The following CCDC13 variants were observed in gnomAD, a reference collection of about 807,000 sequenced individuals.
The protein encoded by CCDC13 is coiled-coil domain containing 13.
CCDC13 carries 70 observed loss-of-function variants against 87.3 expected under a neutral mutation model. The observed-to-expected ratio is 0.80, with a 90% CI of 0.66 to 0.98. CCDC13 has a LOEUF of 0.98. CCDC13 is among the 50% of genes least tolerant of loss of function. The pLI, the probability that CCDC13 is intolerant of heterozygous loss-of-function variation, is 0.00. For missense variants in CCDC13, 842 were observed against 892.0 expected, an observed-to-expected ratio of 0.94 and a Z score of 0.71; for synonymous variants, 317 against 360.3, an observed-to-expected ratio of 0.88 and a Z score of 1.36.
At chr3:42,733,953 T>A (rs1429438517) in intron 10 of CCDC13, among the ~76,000 whole-genome samples, 1 of 152,132 alleles carries the variant, frequency 6.6e-6, no homozygotes, top group Non-Finnish European at 1.5e-5. Flanking sequence ...CCCACCCACA[T>A]GTGGTTGAAC....
At chr3:42,742,610 C>G (rs1699255064) in intron 8 of CCDC13, among the ~76,000 whole-genome samples, 1 of 152,150 alleles carries the variant, frequency 6.6e-6, no homozygotes, top group Non-Finnish European at 1.5e-5. Flanking sequence ...CATGACCCTC[C>G]CCCTCTCCCT....
intron 13 of CCDC13, 47 bp downstream of exon 13, chr3:42,730,420 C>T: frequency 3.1e-6 from 5 of 1,594,870 alleles, no homozygotes; most frequent in Middle Eastern, 1.7e-4. Context: ...CCCCAGTCCC[C>T]ACCACATGCA....
intron 1 of CCDC13, among the ~76,000 whole-genome samples, chr3:42,772,775 G>A (rs1700162986): frequency 6.6e-6 from 1 of 152,128 alleles, no homozygotes; most frequent in South Asian, 2.1e-4. Context: ...AGGGGAACTG[G>A]GAGATGCGGA....
intron 9 of CCDC13, among the ~76,000 whole-genome samples, chr3:42,737,983 C>T (rs568440159): frequency 6.6e-6 from 1 of 152,326 alleles, no homozygotes; most frequent in South Asian, 2.1e-4. Flanking sequence ...GAAGTCCTTG[C>T]CCATGCCTAT....
intron 1 of CCDC13, among the ~76,000 whole-genome samples, chr3:42,769,247 A>C (rs956277392): frequency 2.6e-5 from 4 of 152,250 alleles, no homozygotes; most frequent in African/African-American, 9.6e-5. Flanking sequence ...CATCATATGT[A>C]ATCAGGAAAT....
intron 1 of CCDC13, among the ~76,000 whole-genome samples, chr3:42,763,124 C>T (rs954374880): frequency 6.6e-5 from 10 of 152,172 alleles, no homozygotes; most frequent in Non-Finnish European, 1.2e-4. Context: ...ACAGAAAGCA[C>T]AAGTGAGGTA....
chr3:42,713,027 G>A (rs1055676683), intron 14 of CCDC13, 135 bp downstream of exon 14: 16 of 1,004,208 alleles, frequency 1.6e-5, no homozygotes, highest in African/African-American at 3.3e-5. Context: ...GTGGAGGCAG[G>A]CAGAGCTCCA....
intron 7 of CCDC13, among the ~76,000 whole-genome samples, chr3:42,744,003 G>A (rs188718845): frequency 1.3e-4 from 20 of 152,262 alleles, no homozygotes; most frequent in Admixed American, 1.2e-3. Flanking sequence ...ACTGTTATGA[G>A]GATTCAGTAT....
At chr3:42,733,012 A>C in intron 11 of CCDC13, 42 bp from the exon 12 acceptor site, 2 of 1,507,388 alleles carry the variant, frequency 1.3e-6, no homozygotes, top group Non-Finnish European at 1.8e-6. Flanking sequence ...GGGAAGGCAG[A>C]CCAGGCCCTA....
At chr3:42,726,134 T>A (rs1186159170) in intron 13 of CCDC13, among the ~76,000 whole-genome samples, 1 of 152,146 alleles carries the variant, frequency 6.6e-6, no homozygotes, top group African/African-American at 2.4e-5. Flanking sequence ...AACCTCCGCC[T>A]CCCAGGTTCA....
At chr3:42,709,506 C>T (rs542246157) in intron 15 of CCDC13, among the ~76,000 whole-genome samples, 178 bp downstream of exon 15, 90 of 152,228 alleles carry the variant, frequency 5.9e-4, no homozygotes, top group Non-Finnish European at 1.1e-3. Context: ...TTGGGCCGGG[C>T]CCTCTGTCCT....
At chr3:42,753,887 G>C (rs1011748629) in intron 3 of CCDC13, among the ~76,000 whole-genome samples, 1 of 152,226 alleles carries the variant, frequency 6.6e-6, no homozygotes, top group South Asian at 2.1e-4. Context: ...GAAGGAGGCT[G>C]TGGAAGGTGG....
rs757379466 is a variant in CCDC13 at position 42,732,973 on chromosome 3, G to A, written c.1512-3C>T. ...TGTGGCCCAGGCTGGTCACAGAGCT[G>A]TGTAAAGGCGGAAGGGGCCCATCAG... On this transcript the variant is annotated splice_polypyrimidine_tract_variant and splice_region_variant and intron_variant, in intron 11 of 15. Coordinates refer to ENST00000310232, the MANE Select transcript of CCDC13 (RefSeq NM_144719.4). 6.4e-7 allele frequency: 1 copy of A among 1,551,790 alleles called. No individual in the cohort carries two copies. The highest frequency in any genetic ancestry group is 8.7e-7 in the Non-Finnish European group (1 of 1,147,048).
At chr3:42,762,341 G>A (rs1406499750) in intron 1 of CCDC13, among the ~76,000 whole-genome samples, 3 of 152,242 alleles carry the variant, frequency 2.0e-5, no homozygotes, top group African/African-American at 4.8e-5. Context: ...CCTTTGACCC[G>A]CTCCTAAGAG....
At chr3:42,710,630 C>T (rs1446072784) in intron 14 of CCDC13, among the ~76,000 whole-genome samples, 1 of 152,178 alleles carries the variant, frequency 6.6e-6, no homozygotes, top group Non-Finnish European at 1.5e-5. Flanking sequence ...GTCAGGAGTT[C>T]AAGACCAGTC....
At chr3:42,772,997 G>A (rs997701966) in intron 1 of CCDC13, among the ~76,000 whole-genome samples, 179 bp downstream of exon 1, 1 of 152,360 alleles carries the variant, frequency 6.6e-6, no homozygotes, top group Admixed American at 6.5e-5. Context: ...AGAGGGCTGT[G>A]TGTGAAGATT....
At chr3:42,711,955 A>G (rs1298993670) in intron 14 of CCDC13, among the ~76,000 whole-genome samples, 4 of 152,096 alleles carry the variant, frequency 2.6e-5, no homozygotes, top group Non-Finnish European at 4.4e-5. Context: ...CCCAGCCTGG[A>G]GAAGCCACAC....
At chr3:42,730,367 C>T (rs778367601) in intron 13 of CCDC13, 100 bp downstream of exon 13, 231 of 1,497,960 alleles carry the variant, frequency 1.5e-4, no homozygotes, top group Non-Finnish European at 1.9e-4. Context: ...CACTGGGAGC[C>T]GAGCTCTCAG....
intron 1 of CCDC13, among the ~76,000 whole-genome samples, chr3:42,763,788 G>A (rs936193214): frequency 2.6e-5 from 4 of 152,188 alleles, no homozygotes; most frequent in African/African-American, 7.2e-5. Context: ...TCACAGGTGT[G>A]AGCCACTGCA....
Sources: allele counts gnomAD v4.1 joint callset (sites outside exome capture counted in the v4.1 genomes callset), GRCh38; gene constraint gnomAD v4.1.1; transcripts MANE v1.5; gene names NCBI Gene and HGNC (gene_info 2026-07-23, HGNC 2026-07-21).